RERE: variants seen among roughly 807,000 people sequenced by gnomAD.
RERE encodes arginine-glutamic acid dipeptide repeats.
Under a neutral mutation model 146.1 loss-of-function variants are expected in RERE, and 40 were observed. The ratio of observed to expected loss-of-function variants is 0.27; its 90% CI spans 0.21 to 0.36. The LOEUF (loss-of-function observed/expected upper bound fraction) is 0.36, where lower values mean the gene tolerates loss of function less well. RERE is among the 10% of genes least tolerant of loss of function. RERE has a pLI of 1.00. For missense variants in RERE, 1,933 were observed against 2,138.7 expected (o/e 0.90, Z 1.90); for synonymous variants, 1,003 against 866.0 (o/e 1.16, Z -2.78).
chr1:8,681,067 G>C (rs182675437), intron 1 of RERE, among the ~76,000 whole-genome samples: 31 of 152,268 alleles, frequency 2.0e-4, no homozygotes, highest in Admixed American at 6.5e-4. Context: ...GAGGTCCCGG[G>C]AAACAAATTT....
At chr1:8,433,661 C>T (rs374278714) in intron 11 of RERE, among the ~76,000 whole-genome samples, 3 of 151,190 alleles carry the variant, frequency 2.0e-5, no homozygotes, top group South Asian at 4.2e-4. Flanking sequence ...CCCGGGTTCA[C>T]GCCATTCTCC....
chr1:8,677,425 C>CAAAA (rs33947474), intron 1 of RERE, among the ~76,000 whole-genome samples: 7 of 93,716 alleles, frequency 7.5e-5, no homozygotes, highest in African/African-American at 1.6e-4. Context: ...GTCTCCGTCT[C>CAAAA]AAAAAAAAAA....
intron 1 of RERE, among the ~76,000 whole-genome samples, chr1:8,784,075 A>G (rs572439930): frequency 8.1e-4 from 124 of 152,304 alleles, no homozygotes; most frequent in Admixed American, 2.1e-3. Context: ...ATGTGCTTGT[A>G]ATGGCAGCCC....
chr1:8,733,980 G>A (rs1640143786), intron 1 of RERE, among the ~76,000 whole-genome samples: 1 of 152,118 alleles, frequency 6.6e-6, no homozygotes, highest in Non-Finnish European at 1.5e-5. Flanking sequence ...GTGGGTGCCT[G>A]TAATCCCAGC....
At chr1:8,371,622 C>CCA (rs986237051) in intron 12 of RERE, among the ~76,000 whole-genome samples, 9 of 152,198 alleles carry the variant, frequency 5.9e-5, no homozygotes, top group African/African-American at 2.2e-4. Context: ...TCCTCCTCAG[C>CCA]CACCACTTTA....
chr1:8,361,024 G>C lies in RERE; in HGVS notation c.2483C>G (p.Pro828Arg), dbSNP rs923542726. 6 of 1,438,222 alleles carry C rather than the reference G, an allele frequency of 4.2e-6. No homozygotes were observed. The Admixed American group carries it at 8.7e-5, about 21-fold the overall frequency. The allele number at this position is 1,438,222 out of a possible 1,614,324, so 89.1% of individuals were successfully genotyped here. Residue 828 changes from proline to arginine, a missense_variant, in exon 18 of 23, where the codon CCT (proline) becomes CGT (arginine). Pro to Arg is a moderately radical substitution (Grantham distance 103). Around this residue, in one of 11 missense-constraint regions of RERE, gnomAD observed 1,255 missense variants for 1,153.8 expected, o/e 1.09. Transcript: ENST00000400908. ...PHPSPHPPLQ[P>R]LTGSAGQPSA... ...AGGCTGGCCCGCCGACCCAGTCAGA[G>C]GCTGCAGCGGGGGATGTGGCGAGGG...
chr1:8,402,965 C>G (rs1643314765), intron 12 of RERE, among the ~76,000 whole-genome samples: 1 of 152,142 alleles, frequency 6.6e-6, no homozygotes, highest in Non-Finnish European at 1.5e-5. Context: ...GTGGCGCGAT[C>G]TCAGCTCACT....
chr1:8,545,360 C>G (rs1218447095), intron 6 of RERE, among the ~76,000 whole-genome samples: 1 of 152,146 alleles, frequency 6.6e-6, no homozygotes. Flanking sequence ...CCTGGGGCAT[C>G]ATCCGAAGGG....
intron 10 of RERE, among the ~76,000 whole-genome samples, chr1:8,475,245 G>A (rs755325099): frequency 3.3e-5 from 5 of 151,298 alleles, no homozygotes; most frequent in East Asian, 3.9e-4. Context: ...GTGGTGGCGC[G>A]CACCTGTAAT....
At chr1:8,544,427 A>G (rs1328409572) in intron 6 of RERE, among the ~76,000 whole-genome samples, 1 of 152,222 alleles carries the variant, frequency 6.6e-6, no homozygotes, top group Non-Finnish European at 1.5e-5. Context: ...CAAATCGTAT[A>G]TATGTACAAT....
chr1:8,724,024 G>T (rs1339481970), intron 1 of RERE, among the ~76,000 whole-genome samples: 2 of 145,312 alleles, frequency 1.4e-5, no homozygotes, highest in Admixed American at 7.1e-5. Flanking sequence ...CAAAGATTTT[G>T]TTCCATAGCC....
intron 11 of RERE, among the ~76,000 whole-genome samples, chr1:8,464,584 G>C (rs1424385966): frequency 6.6e-6 from 1 of 152,118 alleles, no homozygotes; most frequent in East Asian, 1.9e-4. Context: ...GCTCCCTCTA[G>C]GGCACCCCTC....
rs1045723345 is a variant in RERE, at chr1:8,687,841, A to G, written c.-144-31400T>C. On this transcript the variant is annotated intron_variant, in intron 1 of 22. Coordinates refer to ENST00000400908, the MANE Select transcript of RERE (RefSeq NM_001042681.2). ...TGCCTTAAGCCAATTATATATTGCA[A>G]AGTAAAACATCTTATATTCTTATTC... Among the ~76,000 whole-genome samples, 4 of 152,238 alleles carry G rather than the reference A, an allele frequency of 2.6e-5. No individual in the cohort carries two copies. In the East Asian group the frequency reaches 7.7e-4, roughly 29 times the overall value.
At chr1:8,649,603 G>A (rs546631786) in intron 2 of RERE, among the ~76,000 whole-genome samples, 34 of 151,842 alleles carry the variant, frequency 2.2e-4, no homozygotes, top group South Asian at 1.2e-3. Context: ...GGTGTCACAC[G>A]CCTGTAATCC....
At chr1:8,769,548 T>C (rs1640906872) in intron 1 of RERE, among the ~76,000 whole-genome samples, 1 of 152,014 alleles carries the variant, frequency 6.6e-6, no homozygotes, top group African/African-American at 2.4e-5. Flanking sequence ...GGCACAGTCA[T>C]GGCTCACTCC....
At chr1:8,564,826 A>ATGTATGTGTGTG in intron 4 of RERE, among the ~76,000 whole-genome samples, 2 of 117,838 alleles carry the variant, frequency 1.7e-5, no homozygotes, top group Non-Finnish European at 3.5e-5. Flanking sequence ...GTGTGTGTAT[A>ATGTATGTGTGTG]TGTGTATGTG....
At chr1:8,512,216 G>A (rs1420565857) in intron 7 of RERE, among the ~76,000 whole-genome samples, 1 of 147,216 alleles carries the variant, frequency 6.8e-6, no homozygotes, top group East Asian at 2.0e-4. Context: ...TGTATTTTTA[G>A]TAGAGACGGG....
Position 8,656,232 on chromosome 1 carries a change from CTCTCGGTCCCGG to C in RERE, c.54_65del (p.Asp18_Arg21del), listed in dbSNP as rs765195788. On this transcript the variant is annotated inframe_deletion, in exon 2 of 23. Transcript: ENST00000400908. ...CTCTTGCTTTGTCTCTTTTCTCTCT[CTCTCGGTCCCGG>C]TCTCGGTCCCGGTCCTTCTCTTTGT... The C allele has an allele frequency of 7.1e-5, 115 of 1,613,738 alleles. 1 individual carries two copies. The highest frequency in any genetic ancestry group is 2.5e-4 in the East Asian group (11 of 44,876).
At position 8,454,312 on chromosome 1, in the gene RERE, A is replaced by C. The variant is rs111775280; in HGVS notation, c.1203+11613T>G. ...ATGCATGTGTACACGTGTGTTTTCA[A>C]ATTTCTTAAACAGGAATGACTCTGT... On this transcript the variant is annotated intron_variant, in intron 11 of 22. Coordinates refer to ENST00000400908, the MANE Select transcript of RERE (RefSeq NM_001042681.2). Among the ~76,000 whole-genome samples the C allele has an allele frequency of 7.8e-3, 1,188 of 152,284 alleles. 14 individuals carry two copies. Among genetic ancestry groups the C allele is most frequent in the African/African-American group, 0.027 (1,124 of 41,550 alleles).
Sources: allele counts gnomAD v4.1 joint callset (sites outside exome capture counted in the v4.1 genomes callset), GRCh38; gene constraint gnomAD v4.1.1; regional missense constraint gnomAD v4.1.1; transcripts MANE v1.5; gene names NCBI Gene and HGNC (gene_info 2026-07-23, HGNC 2026-07-21).